PCSK2: variants seen among roughly 807,000 people sequenced by gnomAD.
The protein encoded by PCSK2 is proprotein convertase subtilisin/kexin type 2.
PCSK2 carries 14 observed loss-of-function variants against 69.7 expected under a neutral mutation model. That is an observed-to-expected ratio of 0.20 (90% CI 0.13 to 0.31). The LOEUF (loss-of-function observed/expected upper bound fraction) is 0.31, where lower values mean the gene tolerates loss of function less well. PCSK2 is among the 10% of genes least tolerant of loss of function. The pLI is 1.00. For synonymous variants in PCSK2, 307 were observed against 320.7 expected (o/e 0.96, Z 0.46); for missense variants, 544 against 842.5 (o/e 0.65, Z 4.39).
chr20:17,378,191 C>T (rs2030983105), intron 5 of PCSK2, among the ~76,000 whole-genome samples: 1 of 151,992 alleles, frequency 6.6e-6, no homozygotes, highest in Non-Finnish European at 1.5e-5. Flanking sequence ...GCAAGTCAGC[C>T]CTAAAAAATT....
At chr20:17,398,791 C>T (rs2031571428) in intron 5 of PCSK2, among the ~76,000 whole-genome samples, 1 of 151,938 alleles carries the variant, frequency 6.6e-6, no homozygotes, top group African/African-American at 2.4e-5. Context: ...GCTCAAGCCC[C>T]ACCCCAGATT....
intron 6 of PCSK2, among the ~76,000 whole-genome samples, chr20:17,425,781 A>T (rs2032235716): frequency 6.6e-6 from 1 of 152,280 alleles, no homozygotes; most frequent in African/African-American, 2.4e-5. Flanking sequence ...TAGGTTTCCA[A>T]TGTTCCTGGG....
intron 2 of PCSK2, among the ~76,000 whole-genome samples, chr20:17,283,261 G>A (rs541662640): frequency 9.8e-5 from 15 of 152,318 alleles, no homozygotes; most frequent in African/African-American, 3.4e-4. Flanking sequence ...GATAGGTAAA[G>A]AGACTACAGA....
Position 17,481,726 on chromosome 20 carries a change from A to G in PCSK2, c.1573A>G (p.Met525Val), listed in dbSNP as rs139619496. The G allele has an allele frequency of 3.9e-4, 637 of 1,614,090 alleles. 1 individual carries two copies. The highest frequency in any genetic ancestry group is 1.1e-4 in the Non-Finnish European group (127 of 1,179,994). ...ATRRGDLNIN[M>V]TSPMGTKSIL... The stretch of plus-strand genomic sequence containing the variant: ...CAGAAGAGGAGACCTGAACATCAAC[A>G]TGACTTCCCCTATGGGCACCAAGTC... Residue 525 changes from methionine to valine, a missense_variant, in exon 12 of 12, where the codon ATG becomes GTG. Coordinates refer to ENST00000262545, the MANE Select transcript of PCSK2 (RefSeq NM_002594.5).
At position 17,438,901 on chromosome 20, in the gene PCSK2, C is replaced by T. The variant is rs376435150; in HGVS notation, c.885+2018C>T. On this transcript the variant is annotated intron_variant, in intron 8 of 11. Coordinates refer to ENST00000262545, the MANE Select transcript of PCSK2 (RefSeq NM_002594.5). Reference sequence around the variant, plus strand: ...CCAAGACTACATAGTTTTGGAGTTCCTTCCCCTCTGTATCTTACTTCACTT... The same window carrying T: ...CCAAGACTACATAGTTTTGGAGTTCTTTCCCCTCTGTATCTTACTTCACTT... Among the ~76,000 whole-genome samples the T allele has an allele frequency of 6.6e-5, 10 of 152,250 alleles. No homozygotes were observed. In the South Asian group the frequency reaches 1.4e-3, roughly 22 times the overall value.
intron 10 of PCSK2, among the ~76,000 whole-genome samples, chr20:17,456,788 C>T (rs1193233923): frequency 6.6e-6 from 1 of 152,270 alleles, no homozygotes; most frequent in Non-Finnish European, 1.5e-5. Flanking sequence ...TATCCCTGGG[C>T]TCTTCTACTC....
chr20:17,303,534 T>A (rs1989216723), intron 2 of PCSK2, among the ~76,000 whole-genome samples: 2 of 41,728 alleles, frequency 4.8e-5, no homozygotes, highest in South Asian at 5.8e-4. Context: ...ATATATTATA[T>A]TATATATAAT....
chr20:17,430,691 T>G (rs1037898257), intron 7 of PCSK2, among the ~76,000 whole-genome samples: 1 of 152,246 alleles, frequency 6.6e-6, no homozygotes, highest in African/African-American at 2.4e-5. Flanking sequence ...GGAGCCATTA[T>G]GAGCTCAGGG....
chr20:17,311,662 G>A (rs969946269), intron 2 of PCSK2, among the ~76,000 whole-genome samples: 1 of 152,126 alleles, frequency 6.6e-6, no homozygotes, highest in African/African-American at 2.4e-5. Context: ...GATCAGGGCT[G>A]GGACAAGAAC....
At chr20:17,405,665 C>T (rs2031735273) in intron 5 of PCSK2, among the ~76,000 whole-genome samples, 1 of 152,208 alleles carries the variant, frequency 6.6e-6, no homozygotes, top group Non-Finnish European at 1.5e-5. Context: ...GCAAACAATG[C>T]CAAGTTGTAA....
chr20:17,433,008 A>G (rs921361241), intron 7 of PCSK2, among the ~76,000 whole-genome samples: 1 of 152,214 alleles, frequency 6.6e-6, no homozygotes, highest in African/African-American at 2.4e-5. Context: ...ACAGTTCCTC[A>G]CTGTTCTGGA....
chr20:17,476,310 G>A (rs761017), intron 11 of PCSK2, among the ~76,000 whole-genome samples: 6 of 151,980 alleles, frequency 3.9e-5, no homozygotes, highest in Non-Finnish European at 5.9e-5. Flanking sequence ...ATTTAGACCC[G>A]CACTGTCCAG....
Position 17,376,381 on chromosome 20 carries a change from G to A in PCSK2, c.543+7104G>A, listed in dbSNP as rs533338134. On this transcript the variant is annotated intron_variant, in intron 5 of 11. Coordinates refer to ENST00000262545, the MANE Select transcript of PCSK2 (RefSeq NM_002594.5). Reference sequence around the variant, plus strand: ...TATATGCTGCTGACATATTATGGCCGTTTTTGTGTAGTAACTGTTACAGCT... The same window carrying A: ...TATATGCTGCTGACATATTATGGCCATTTTTGTGTAGTAACTGTTACAGCT... Among the ~76,000 whole-genome samples, 451 of 152,310 alleles carry A rather than the reference G, an allele frequency of 3.0e-3. 2 individuals carry two copies. The highest frequency in any genetic ancestry group is 0.01 in the African/African-American group (424 of 41,542).
chr20:17,443,872 A>G (rs1049646200), intron 8 of PCSK2, among the ~76,000 whole-genome samples: 2 of 152,246 alleles, frequency 1.3e-5, no homozygotes, highest in African/African-American at 4.8e-5. Context: ...GACAGCAAGT[A>G]CATCTTTTAG....
intron 7 of PCSK2, among the ~76,000 whole-genome samples, chr20:17,432,909 C>A (rs767447713): frequency 6.6e-6 from 1 of 151,728 alleles, no homozygotes; most frequent in South Asian, 2.1e-4. Flanking sequence ...AGACAGGGAG[C>A]AAATAAAAAA....
At chr20:17,391,908 G>GGAAGGAAGGAAGGAAGGAAGGAAGGAAA (rs1242052613) in intron 5 of PCSK2, among the ~76,000 whole-genome samples, 1,742 of 98,188 alleles carry the variant, frequency 0.018, 45 homozygotes, top group African/African-American at 0.07. Context: ...AAGAGAGAGA[G>GGAAGGAAGGAAGGAAGGAAGGAAGGAAA]GAAGGAAGGA....
rs180681155 is a variant in PCSK2 at position 17,265,072 on chromosome 20, C to T, written c.282+4728C>T. ...AGAGATACGGTTTCACCATGTTGGC[C>T]GGGCTGGTCTTGAACTCCTGACATC... is the stretch of plus-strand genomic sequence containing the variant. On this transcript the variant is annotated intron_variant, in intron 2 of 11. Coordinates refer to ENST00000262545, the MANE Select transcript of PCSK2 (RefSeq NM_002594.5). Among the ~76,000 whole-genome samples the T allele has an allele frequency of 1.4e-3, 218 of 152,222 alleles. 1 individual carries two copies. Among genetic ancestry groups the T allele is most frequent in the African/African-American group, 4.0e-3 (165 of 41,542 alleles).
At chr20:17,237,171 G>T (rs1352549645) in intron 1 of PCSK2, among the ~76,000 whole-genome samples, 1 of 152,214 alleles carries the variant, frequency 6.6e-6, no homozygotes, top group Non-Finnish European at 1.5e-5. Context: ...ATAACAGTGA[G>T]AGAGATGAAA....
At chr20:17,306,038 G>A (rs114047409) in intron 2 of PCSK2, among the ~76,000 whole-genome samples, 5 of 152,276 alleles carry the variant, frequency 3.3e-5, no homozygotes, top group East Asian at 1.9e-4. Flanking sequence ...CATGAATAAC[G>A]TTTTGGTACT....
Sources: gnomAD v4.1 joint callset for allele counts (sites outside exome capture counted in the v4.1 genomes callset) on GRCh38, gnomAD v4.1.1 for gene constraint, MANE v1.5 for transcripts, NCBI Gene and HGNC (gene_info 2026-07-23, HGNC 2026-07-21) for gene names.